The following ANKMY2 variants were observed in gnomAD, a reference collection of about 807,000 sequenced individuals.
The protein encoded by ANKMY2 is ankyrin repeat and MYND domain-containing protein 2.
Under a neutral mutation model 50.4 loss-of-function variants are expected in ANKMY2, and 36 were observed. That is an observed-to-expected ratio of 0.71 (90% confidence interval 0.55 to 0.94). The LOEUF is 0.94. Among genes scored for constraint, ANKMY2 ranks in the 40% least tolerant of loss-of-function variants. ANKMY2 has a pLI of 0.00. For synonymous variants in ANKMY2, 187 were observed against 178.8 expected (o/e 1.05, Z -0.36); for missense variants, 565 against 524.0 (o/e 1.08, Z -0.76).
chr7:16,624,030 T>G (rs971063847), intron 4 of ANKMY2, among the ~76,000 whole-genome samples: 2 of 152,118 alleles, frequency 1.3e-5, no homozygotes, highest in African/African-American at 4.8e-5. Context: ...ATCCTCCTCT[T>G]CTATGTATTT....
chr7:16,609,438 G>A (rs1781210277), intron 7 of ANKMY2, among the ~76,000 whole-genome samples, 192 bp downstream of exon 7: 1 of 152,174 alleles, frequency 6.6e-6, no homozygotes, highest in South Asian at 2.1e-4. Context: ...CCATAATAAG[G>A]TAAGAAGAGG....
chr7:16,603,774 C>A, intron 8 of ANKMY2: 2 of 462,472 alleles, frequency 4.3e-6, no homozygotes, highest in East Asian at 7.0e-5. Flanking sequence ...TGTGTTTCTA[C>A]CTGCCCATGT....
Position 16,600,488 on chromosome 7 carries a change from T to C in ANKMY2, c.*273A>G. Reference sequence around the variant, plus strand: ...ATCTATTTTCCTTTGAAACAATTGCTGGAAAGCCAGCCTCAGAAAGGTAAT... The same window carrying C: ...ATCTATTTTCCTTTGAAACAATTGCCGGAAAGCCAGCCTCAGAAAGGTAAT... On this transcript the variant is annotated 3_prime_UTR_variant, in exon 10 of 10. Coordinates refer to ENST00000306999, the MANE Select transcript of ANKMY2 (RefSeq NM_020319.3). 1 of 268,696 alleles carries C rather than the reference T, an allele frequency of 3.7e-6. No homozygotes were observed. The highest frequency in any genetic ancestry group is 6.9e-6 in the Non-Finnish European group (1 of 144,376). The allele number at this position is 268,696 out of a possible 1,614,324, so 16.6% of individuals were successfully genotyped here.
intron 4 of ANKMY2, among the ~76,000 whole-genome samples, chr7:16,621,329 A>C (rs1781432372): frequency 6.6e-6 from 1 of 152,206 alleles, no homozygotes; most frequent in Non-Finnish European, 1.5e-5. Flanking sequence ...CCTAAAAGAA[A>C]TGTAAAAGTG....
At position 16,600,765 on chromosome 7, in the gene ANKMY2, T is replaced by C; in HGVS notation, c.1322A>G (p.Glu441Gly). 6.2e-7 allele frequency: 1 copy of C among 1,603,674 alleles called. No homozygotes were observed. Among genetic ancestry groups the C allele is most frequent in the South Asian group, 1.1e-5 (1 of 89,366 alleles). Residue 441 changes from glutamate (E) to glycine (G), a missense_variant, in exon 10 of 10, where the codon GAG becomes GGG. By Grantham distance (98) the Glu-to-Gly change is moderately conservative. Transcript: ENST00000306999. ...DAPAGPQVSE[E>G] ...CACTGGCACTTGCTCTGGCTTTTAC[T>C]CCTCAGACACCTGTGGCCCTGCAGG...
At chr7:16,620,873 T>C (rs1781426032) in intron 4 of ANKMY2, among the ~76,000 whole-genome samples, 1 of 152,006 alleles carries the variant, frequency 6.6e-6, no homozygotes, top group South Asian at 2.1e-4. Flanking sequence ...AAAAAGGAAT[T>C]ATGAATAGCT....
At chr7:16,612,202 A>C (rs921081864) in intron 5 of ANKMY2, among the ~76,000 whole-genome samples, 4 of 152,348 alleles carry the variant, frequency 2.6e-5, no homozygotes, top group African/African-American at 9.6e-5. Context: ...AGGGAACAAC[A>C]GGTAGATTTC....
intron 1 of ANKMY2, among the ~76,000 whole-genome samples, chr7:16,642,600 C>T (rs931799204): frequency 4.0e-5 from 6 of 150,808 alleles, no homozygotes; most frequent in Non-Finnish European, 8.8e-5. Context: ...GTTCAAAGTA[C>T]TAGAACTTAT....
At chr7:16,631,502 T>G (rs138347154) in intron 2 of ANKMY2, among the ~76,000 whole-genome samples, 179 of 152,318 alleles carry the variant, frequency 1.2e-3, no homozygotes, top group African/African-American at 3.8e-3. Flanking sequence ...TCCTTAAAGT[T>G]TGATAAAGCT....
chr7:16,637,487 C>G (rs763799357), intron 1 of ANKMY2, among the ~76,000 whole-genome samples: 5 of 144,490 alleles, frequency 3.5e-5, no homozygotes, highest in Non-Finnish European at 7.7e-5. Context: ...AGAAGTAGCT[C>G]TGTTGGGAAA....
At chr7:16,639,127 T>C (rs1781712318) in intron 1 of ANKMY2, among the ~76,000 whole-genome samples, 1 of 152,206 alleles carries the variant, frequency 6.6e-6, no homozygotes, top group South Asian at 2.1e-4. Flanking sequence ...GTGTTCACAA[T>C]GTAATGACAT....
intron 1 of ANKMY2, among the ~76,000 whole-genome samples, chr7:16,643,372 G>A (rs1160389728): frequency 1.3e-5 from 2 of 152,126 alleles, no homozygotes; most frequent in Non-Finnish European, 2.9e-5. Context: ...GTCAATAAAC[G>A]TTGGCTATGG....
chr7:16,635,009 T>C (rs12670185), intron 2 of ANKMY2, among the ~76,000 whole-genome samples: 11,783 of 151,984 alleles, frequency 0.078, 970 homozygotes, highest in African/African-American at 0.2. Flanking sequence ...AAAGAGAAGA[T>C]AAATCATTCA....
At chr7:16,607,107 G>C (rs7788389) in intron 7 of ANKMY2, among the ~76,000 whole-genome samples, 5 of 152,052 alleles carry the variant, frequency 3.3e-5, no homozygotes, top group Non-Finnish European at 7.4e-5. Context: ...GCTGTGATAC[G>C]CACAATCACA....
intron 2 of ANKMY2, among the ~76,000 whole-genome samples, chr7:16,630,295 C>A (rs2128345385): frequency 6.6e-6 from 1 of 152,278 alleles, no homozygotes; most frequent in African/African-American, 2.4e-5. Context: ...CATCAGTTTA[C>A]ACTCCCCTCA....
intron 7 of ANKMY2, 52 bp from the exon 8 acceptor site, chr7:16,604,901 A>T: frequency 1.3e-6 from 2 of 1,574,492 alleles, no homozygotes; most frequent in Non-Finnish European, 8.6e-7. Context: ...CACCATGGAA[A>T]CACTACAGAG....
At chr7:16,614,343 C>G (rs191375242) in intron 5 of ANKMY2, among the ~76,000 whole-genome samples, 1 of 152,202 alleles carries the variant, frequency 6.6e-6, no homozygotes, top group Non-Finnish European at 1.5e-5. Context: ...TGAATTTGCC[C>G]ACTTAGTATC....
intron 1 of ANKMY2, among the ~76,000 whole-genome samples, chr7:16,642,414 G>A (rs578012632): frequency 4.6e-5 from 7 of 152,026 alleles, no homozygotes; most frequent in Non-Finnish European, 1.0e-4. Context: ...TGGGTATGTT[G>A]GAAACAGATT....
chr7:16,603,431 G>C (rs1022599718), intron 8 of ANKMY2: 3 of 331,750 alleles, frequency 9.0e-6, no homozygotes, highest in Non-Finnish European at 1.8e-5. Context: ...GTACAAAAAT[G>C]CAGGAACAGG....
Sources: allele counts gnomAD v4.1 joint callset (sites outside exome capture counted in the v4.1 genomes callset), GRCh38; gene constraint gnomAD v4.1.1; transcripts MANE v1.5; gene names NCBI Gene and HGNC (gene_info 2026-07-23, HGNC 2026-07-21).